The following IQGAP2 variants were observed in gnomAD, a reference collection of about 807,000 sequenced individuals.
IQGAP2 encodes IQ motif containing GTPase activating protein 2, also known as ras GTPase-activating-like protein IQGAP2.
In IQGAP2, 173 loss-of-function variants were observed where a neutral mutation model predicts 201.3. The observed-to-expected ratio is 0.86, with a 90% CI of 0.76 to 0.98. The LOEUF is 0.98. IQGAP2 is among the 50% of genes least tolerant of loss of function. The pLI is 0.00. For missense variants in IQGAP2, 1,687 were observed against 1,864.8 expected (o/e 0.90, Z 1.76); for synonymous variants, 675 against 673.9 (o/e 1.00, Z -0.03).
intron 2 of IQGAP2, among the ~76,000 whole-genome samples, chr5:76,532,800 C>T (rs955868895): frequency 1.1e-4 from 16 of 152,264 alleles, no homozygotes; most frequent in Non-Finnish European, 1.5e-4. Context: ...CCAACACCCA[C>T]AGCCTCTGAG....
intron 3 of IQGAP2, among the ~76,000 whole-genome samples, chr5:76,569,197 AAGGTTTTC>A (rs371149005): frequency 2.6e-5 from 4 of 152,278 alleles, no homozygotes; most frequent in African/African-American, 9.6e-5. Context: ...TAGCATAGGG[AAGGTTTTC>A]AGATCCGGAG....
chr5:76,505,151 T>C (rs1193135714), intron 2 of IQGAP2, among the ~76,000 whole-genome samples: 2 of 152,222 alleles, frequency 1.3e-5, no homozygotes, highest in Admixed American at 6.5e-5. Flanking sequence ...AAGGGCTTTG[T>C]CTTTGCTTAC....
At chr5:76,571,460 C>G (rs1238907344) in intron 4 of IQGAP2, among the ~76,000 whole-genome samples, 1 of 152,132 alleles carries the variant, frequency 6.6e-6, no homozygotes, top group Non-Finnish European at 1.5e-5. Context: ...GCTGGGATTA[C>G]AGGGATGAGC....
chr5:76,647,823 C>CCA (rs374577768), intron 17 of IQGAP2, among the ~76,000 whole-genome samples: 1,830 of 62,608 alleles, frequency 0.029, 27 homozygotes, highest in African/African-American at 0.054. Context: ...TAGCCAAACA[C>CCA]CACACACACA....
chr5:76,626,803 CTTTT>C (rs369692837), intron 13 of IQGAP2, among the ~76,000 whole-genome samples: 1 of 152,072 alleles, frequency 6.6e-6, no homozygotes, highest in East Asian at 1.9e-4. Flanking sequence ...CCCGGGAAGA[CTTTT>C]TGGAGTAGGT....
intron 15 of IQGAP2, among the ~76,000 whole-genome samples, chr5:76,635,588 A>G (rs1398585421): frequency 6.6e-6 from 1 of 152,180 alleles, no homozygotes; most frequent in East Asian, 1.9e-4. Context: ...CATGCCTATA[A>G]TCCCAGCACT....
intron 1 of IQGAP2, among the ~76,000 whole-genome samples, chr5:76,415,736 G>A (rs1243611850): frequency 1.3e-5 from 2 of 152,208 alleles, no homozygotes; most frequent in African/African-American, 4.8e-5. Flanking sequence ...GAGGCCAGGA[G>A]TTCAAGACCA....
intron 2 of IQGAP2, among the ~76,000 whole-genome samples, chr5:76,494,480 A>C (rs1338016234): frequency 2.6e-5 from 4 of 152,156 alleles, no homozygotes; most frequent in Admixed American, 6.5e-5. Context: ...CATCATTATT[A>C]TCTTGGGGGA....
chr5:76,588,346 T>C (rs529470076), intron 5 of IQGAP2, among the ~76,000 whole-genome samples: 40 of 152,332 alleles, frequency 2.6e-4, no homozygotes, highest in African/African-American at 9.6e-4. Flanking sequence ...GATTTGTTTT[T>C]AAATACATCC....
At chr5:76,570,541 G>T (rs748824629) in intron 3 of IQGAP2, 39 bp from the exon 4 acceptor site, 1 of 1,420,066 alleles carries the variant, frequency 7.0e-7, no homozygotes, top group Non-Finnish European at 9.9e-7. Flanking sequence ...TTTTTGTGTG[G>T]TTCCTTCTCT....
chr5:76,699,903 TTCTC>T (rs1186832045), intron 33 of IQGAP2, among the ~76,000 whole-genome samples: 151 of 7,080 alleles, frequency 0.021, 30 homozygotes, highest in African/African-American at 0.051. Flanking sequence ...TTCTTTCTGT[TTCTC>T]TCTCTCTCTC....
At chr5:76,658,241 A>G (rs1742928729) in intron 20 of IQGAP2, among the ~76,000 whole-genome samples, 1 of 152,184 alleles carries the variant, frequency 6.6e-6, no homozygotes, top group Admixed American at 6.5e-5. Flanking sequence ...GATAACTAGA[A>G]AAGAGTGGGG....
chr5:76,596,209 T>G (rs779498244), intron 9 of IQGAP2, among the ~76,000 whole-genome samples: 1 of 152,208 alleles, frequency 6.6e-6, no homozygotes, highest in Non-Finnish European at 1.5e-5. Flanking sequence ...AGAAGAATCT[T>G]AGCTGCAATC....
intron 5 of IQGAP2, among the ~76,000 whole-genome samples, chr5:76,579,339 C>T (rs1170537064): frequency 1.3e-5 from 2 of 151,734 alleles, no homozygotes; most frequent in Non-Finnish European, 2.9e-5. Context: ...ATCTGGGTTT[C>T]GGATGGATCA....
At chr5:76,639,211 G>T (rs905398220) in intron 16 of IQGAP2, among the ~76,000 whole-genome samples, 2 of 152,184 alleles carry the variant, frequency 1.3e-5, no homozygotes, top group African/African-American at 4.8e-5. Context: ...GGAAATTGGG[G>T]CACAGAGTAG....
intron 5 of IQGAP2, among the ~76,000 whole-genome samples, chr5:76,585,431 A>G (rs1356351276): frequency 2.0e-5 from 3 of 152,138 alleles, no homozygotes; most frequent in Non-Finnish European, 4.4e-5. Context: ...GAAAGTGCAA[A>G]TCAGGTAGTA....
intron 1 of IQGAP2, among the ~76,000 whole-genome samples, chr5:76,430,884 C>T (rs938172589): frequency 1.3e-5 from 2 of 151,862 alleles, no homozygotes; most frequent in South Asian, 2.1e-4. Context: ...AACCTAAATG[C>T]CTAGCAATTG....
At chr5:76,503,443 G>A (rs1757408481) in intron 2 of IQGAP2, among the ~76,000 whole-genome samples, 2 of 151,628 alleles carry the variant, frequency 1.3e-5, no homozygotes, top group Non-Finnish European at 2.9e-5. Flanking sequence ...CTAAAGTGCT[G>A]GGATTACAGG....
intron 14 of IQGAP2, among the ~76,000 whole-genome samples, chr5:76,629,143 C>T (rs915334281): frequency 2.6e-5 from 4 of 152,262 alleles, no homozygotes; most frequent in South Asian, 2.1e-4. Flanking sequence ...CTGTATTGCA[C>T]ATCTAAAATC....
Sources: gnomAD v4.1 joint callset for allele counts (sites outside exome capture counted in the v4.1 genomes callset) on GRCh38, gnomAD v4.1.1 for gene constraint, MANE v1.5 for transcripts, NCBI Gene and HGNC (gene_info 2026-07-23, HGNC 2026-07-21) for gene names.